SLC25A17: variants seen among roughly 807,000 people sequenced by gnomAD.
SLC25A17 encodes the protein peroxisomal membrane protein PMP34.
SLC25A17 carries 26 observed loss-of-function variants against 38.5 expected under a neutral mutation model. The ratio of observed to expected loss-of-function variants is 0.68; its 90% CI spans 0.50 to 0.94. The LOEUF (loss-of-function observed/expected upper bound fraction) is 0.94, where lower values mean the gene tolerates loss of function less well. SLC25A17 is among the 40% of genes least tolerant of loss of function. SLC25A17 has a pLI of 0.00. For synonymous variants in SLC25A17, 139 were observed against 136.2 expected (o/e 1.02, Z -0.14); for missense variants, 333 against 372.7 (o/e 0.89, Z 0.88).
At chr22:40,802,576 C>T (rs7291644) in intron 1 of SLC25A17, among the ~76,000 whole-genome samples, 4,495 of 152,048 alleles carry the variant, frequency 0.03, 215 homozygotes, top group African/African-American at 0.1. Context: ...ACCCGGGAGG[C>T]GGAGGTTGCA....
At chr22:40,813,060 G>A (rs1461131071) in intron 1 of SLC25A17, among the ~76,000 whole-genome samples, 1 of 152,168 alleles carries the variant, frequency 6.6e-6, no homozygotes, top group Non-Finnish European at 1.5e-5. Flanking sequence ...TACACAGACA[G>A]ATAGGCAAGT....
rs370769537 is a variant in SLC25A17 at position 40,777,019 on chromosome 22, G to A, written c.693+21C>T. ...ATTCGAATGCTGTTTGACTAAATGC[G>A]AAGAGAACTCCAGCACTCACCCTCA... On this transcript the variant is annotated intron_variant, in intron 7 of 8. Transcript: ENST00000435456. 8.0e-5 allele frequency: 128 copies of A among 1,600,652 alleles called. 1 individual carries two copies. The highest frequency in any genetic ancestry group is 4.4e-4 in the African/African-American group (33 of 74,636).
intron 7 of SLC25A17, among the ~76,000 whole-genome samples, chr22:40,774,982 C>T (rs2057226337): frequency 1.3e-5 from 2 of 152,144 alleles, no homozygotes; most frequent in Non-Finnish European, 2.9e-5. Flanking sequence ...GGCCACCATC[C>T]TCTCTTGCCT....
At chr22:40,792,476 A>G (rs781597824) in intron 4 of SLC25A17, 49 bp downstream of exon 4, 7 of 1,505,168 alleles carry the variant, frequency 4.7e-6, no homozygotes. Context: ...GAGGATATAA[A>G]ACCACAAGGT....
In SLC25A17 at chr22:40,819,329, T is replaced by G; in HGVS notation, c.-81A>C. ...GGAGTTAGGAAAGGAGCACCGGAGC[T>G]CAGGGTGTGAGAGTCGCAATCCCCG... On this transcript the variant is annotated 5_prime_UTR_variant, in exon 1 of 9. Transcript: ENST00000435456. 1 of 1,397,246 alleles carries G rather than the reference T, an allele frequency of 7.2e-7. No homozygotes were observed. The highest frequency in any genetic ancestry group is 9.7e-7 in the Non-Finnish European group (1 of 1,034,306). 86.6% of individuals were successfully genotyped at this position (1,397,246 alleles called of 1,614,324 possible).
intron 4 of SLC25A17, among the ~76,000 whole-genome samples, chr22:40,782,169 G>A (rs1053401118): frequency 6.6e-6 from 1 of 152,030 alleles, no homozygotes; most frequent in Non-Finnish European, 1.5e-5. Context: ...GCAGTGAGCC[G>A]AGATCGCACT....
chr22:40,771,026 C>T (rs1569396698), intron 8 of SLC25A17, 45 bp from the exon 9 acceptor site: 4 of 1,490,792 alleles, frequency 2.7e-6, no homozygotes, highest in Non-Finnish European at 2.7e-6. Context: ...GCTCCTGCAT[C>T]AGAGAACATG....
In SLC25A17 at chr22:40,816,633, G is replaced by A. The variant is rs549802667; in HGVS notation, c.54+2562C>T. ...TGTTTTTTTTTTTTTTTCTTGAGAC[G>A]GAGTCTTGCTCTTGTCACCCAGGCT... On this transcript the variant is annotated intron_variant, in intron 1 of 8. Coordinates refer to ENST00000435456, the MANE Select transcript of SLC25A17 (RefSeq NM_006358.4). Among the ~76,000 whole-genome samples, 332 of 142,698 alleles carry A rather than the reference G, an allele frequency of 2.3e-3. 3 individuals are homozygous for A. The highest frequency in any genetic ancestry group is 8.1e-3 in the African/African-American group (308 of 38,100). 93.6% of individuals were successfully genotyped at this position (142,698 alleles called of 152,430 possible).
In SLC25A17 at chr22:40,770,995, G is replaced by C. The variant is rs781581328; in HGVS notation, c.777-14C>G. 4 of 1,540,242 alleles carry C rather than the reference G, an allele frequency of 2.6e-6. No homozygotes were observed. In the Admixed American group the frequency reaches 5.7e-5, roughly 22 times the overall value. On this transcript the variant is annotated splice_polypyrimidine_tract_variant and intron_variant, in intron 8 of 8. Coordinates refer to ENST00000435456, the MANE Select transcript of SLC25A17 (RefSeq NM_006358.4). The stretch of plus-strand genomic sequence containing the variant: ...ATTCCAAAACGTCTAAAGGGAAAGA[G>C]GTTTGAAAAAACAGAAGTCAGCTCC...
chr22:40,801,704 GA>G (rs2057485602), intron 1 of SLC25A17, among the ~76,000 whole-genome samples: 1 of 152,164 alleles, frequency 6.6e-6, no homozygotes, highest in Admixed American at 6.5e-5. Flanking sequence ...CAATTTCCAA[GA>G]AAAATGGGAG....
chr22:40,787,959 T>C (rs2057353109), intron 4 of SLC25A17, among the ~76,000 whole-genome samples: 1 of 152,244 alleles, frequency 6.6e-6, no homozygotes, highest in Non-Finnish European at 1.5e-5. Flanking sequence ...TCTCGCTATG[T>C]TGCCGAGATT....
Position 40,777,152 on chromosome 22 carries a change from G to A in SLC25A17, c.598-17C>T. 2 of 1,612,614 alleles carry A rather than the reference G, an allele frequency of 1.2e-6. No individual in the cohort carries two copies. The highest frequency in any genetic ancestry group is 1.1e-5 in the South Asian group (1 of 91,040). On this transcript the variant is annotated splice_polypyrimidine_tract_variant and intron_variant, in intron 6 of 8. Coordinates refer to ENST00000435456, the MANE Select transcript of SLC25A17 (RefSeq NM_006358.4). ...GGAAGAAAGCTGGAAAGCAAAGGAA[G>A]AACAAACCATATCAATCAAGTCAAC...
rs2057165940 is a variant in SLC25A17, at chr22:40,769,990, GAT to G, written c.*842_*843del. The stretch of plus-strand genomic sequence containing the variant: ...GGAGATAATATCCAGACCTCAACAA[GAT>G]ATCTGCTCCCCTTCTCATTTTTGTG... On this transcript the variant is annotated 3_prime_UTR_variant, in exon 9 of 9. Transcript: ENST00000435456. The G allele has an allele frequency of 6.6e-6, 1 of 152,132 alleles. No individual in the cohort carries two copies. Among genetic ancestry groups the G allele is most frequent in the Admixed American group, 6.6e-5 (1 of 15,264 alleles). 9.4% of individuals were successfully genotyped at this position (152,132 alleles called of 1,614,324 possible).
intron 1 of SLC25A17, among the ~76,000 whole-genome samples, chr22:40,811,543 C>G (rs924791805): frequency 6.6e-6 from 1 of 151,986 alleles, no homozygotes; most frequent in African/African-American, 2.4e-5. Flanking sequence ...GATTCTCCAG[C>G]CTCAGACTCC....
chr22:40,809,997 G>C (rs2057564918), intron 1 of SLC25A17, among the ~76,000 whole-genome samples: 1 of 152,048 alleles, frequency 6.6e-6, no homozygotes, highest in African/African-American at 2.4e-5. Context: ...TCATTTATTA[G>C]GGTTTTTTTA....
intron 5 of SLC25A17, among the ~76,000 whole-genome samples, chr22:40,777,782 CAAAA>C (rs76343843): frequency 3.3e-5 from 3 of 90,282 alleles, no homozygotes; most frequent in African/African-American, 4.2e-5. Context: ...ACTCCATTTC[CAAAA>C]AAAAAAAAAA....
chr22:40,816,606 A>ATTTT (rs1568991976), intron 1 of SLC25A17, among the ~76,000 whole-genome samples: 1 of 120,548 alleles, frequency 8.3e-6, no homozygotes. Context: ...TTTATTTTTT[A>ATTTT]TTGTTTTTTT....
intron 1 of SLC25A17, among the ~76,000 whole-genome samples, chr22:40,802,093 G>C (rs2057489415): frequency 6.6e-6 from 1 of 152,068 alleles, no homozygotes; most frequent in African/African-American, 2.4e-5. Context: ...TGCCTGGCCG[G>C]TACTGCATTT....
At chr22:40,780,839 C>T (rs2057287026) in intron 4 of SLC25A17, among the ~76,000 whole-genome samples, 1 of 152,132 alleles carries the variant, frequency 6.6e-6, no homozygotes, top group Non-Finnish European at 1.5e-5. Flanking sequence ...ACTTAGGAGG[C>T]AATGCAGCTA....
Sources: allele counts gnomAD v4.1 joint callset (sites outside exome capture counted in the v4.1 genomes callset), GRCh38; gene constraint gnomAD v4.1.1; transcripts MANE v1.5; gene names NCBI Gene and HGNC (gene_info 2026-07-23, HGNC 2026-07-21).